Variants in PCDH19 observed in about 807,000 individuals in gnomAD.
PCDH19 encodes the protein protocadherin 19.
PCDH19 carries 6 observed loss-of-function variants against 46.2 expected under a neutral mutation model. The observed-to-expected ratio is 0.13, with a 90% CI of 0.07 to 0.26. The LOEUF is 0.26. Among genes scored for constraint, PCDH19 ranks in the 10% least tolerant of loss-of-function variants. The pLI, the probability that PCDH19 is intolerant of heterozygous loss-of-function variation, is 1.00. For missense variants in PCDH19, 740 were observed against 972.3 expected, an observed-to-expected ratio of 0.76 and a Z score of 3.18; for synonymous variants, 481 against 415.7, an observed-to-expected ratio of 1.16 and a Z score of -1.91.
intron 3 of PCDH19, among the ~76,000 whole-genome samples, chrX:100,388,095 A>G (rs766266987): frequency 9.0e-6 from 1 of 111,227 alleles, no homozygotes; most frequent in Non-Finnish European, 1.9e-5. Context: ...ATACCATTTA[A>G]AAAGTAAAAA....
At chrX:100,404,908 G>C (rs770018296) in intron 1 of PCDH19, among the ~76,000 whole-genome samples, 1 of 111,919 alleles carries the variant, frequency 8.9e-6, no homozygotes, top group Non-Finnish European at 1.9e-5. Context: ...AGGTTTGAAA[G>C]CTAAGAGCAA....
Position 100,403,136 on chromosome X carries a change from G to A in PCDH19, c.2289-285C>T, listed in dbSNP as rs190569116. On this transcript the variant is annotated intron_variant, in intron 2 of 5. Coordinates refer to ENST00000373034, the MANE Select transcript of PCDH19 (RefSeq NM_001184880.2). ...TTGTGAGTGGCCTGTGAGCACGGGTGGGGGGACAGGGAAAGTTGAGCCTAT... is the reference window on the plus strand; with the variant it reads ...TTGTGAGTGGCCTGTGAGCACGGGTAGGGGGACAGGGAAAGTTGAGCCTAT... 1.2e-4 allele frequency among the ~76,000 whole-genome samples: 13 copies of A among 111,652 alleles called. No homozygotes were observed. In the East Asian group the frequency reaches 3.4e-3, roughly 29 times the overall value.
chrX:100,319,773 G>T (rs779454473), intron 5 of PCDH19, among the ~76,000 whole-genome samples: 2 of 112,186 alleles, frequency 1.8e-5, no homozygotes, highest in African/African-American at 6.5e-5. Context: ...AAAATCAAAG[G>T]AAAGAGCTAA....
intron 5 of PCDH19, among the ~76,000 whole-genome samples, chrX:100,327,687 T>A (rs1188486459): frequency 8.9e-6 from 1 of 112,189 alleles, no homozygotes; most frequent in African/African-American, 3.2e-5. Flanking sequence ...TATTTTTATC[T>A]TATTTCATTC....
At chrX:100,392,318 A>G (rs750903462) in intron 3 of PCDH19, among the ~76,000 whole-genome samples, 9 of 112,548 alleles carry the variant, frequency 8.0e-5, no homozygotes, top group Non-Finnish European at 1.7e-4. Context: ...AAGGCAAAAT[A>G]GAATGACCTA....
intron 3 of PCDH19, among the ~76,000 whole-genome samples, chrX:100,361,287 A>G (rs1216235452): frequency 8.9e-6 from 1 of 112,373 alleles, no homozygotes; most frequent in Non-Finnish European, 1.9e-5. Context: ...CTGAAACACA[A>G]TAGTCATTTT....
chrX:100,339,941 G>C (rs924723037), intron 5 of PCDH19, among the ~76,000 whole-genome samples: 1 of 112,008 alleles, frequency 8.9e-6, no homozygotes, highest in African/African-American at 3.2e-5. Flanking sequence ...GTGTGTGTGT[G>C]TAAAATCATC....
Position 100,410,245 on chromosome X carries a change from T to C in PCDH19, c.-1648A>G, listed in dbSNP as rs1928561837. Reference sequence around the variant, plus strand: ...CGCCAGCCGCCGCCGCTACTGCTGCTGCTGCTCCTCCGGATGCCGCAAACT... The same window carrying C: ...CGCCAGCCGCCGCCGCTACTGCTGCCGCTGCTCCTCCGGATGCCGCAAACT... On this transcript the variant is annotated 5_prime_UTR_variant, in exon 1 of 6. Transcript: ENST00000373034. 6.7e-6 allele frequency: 2 copies of C among 298,933 alleles called. No individual in the cohort carries two copies. The highest frequency in any genetic ancestry group is 1.9e-4 in the South Asian group (1 of 5,143). The allele number at this position is 298,933 out of a possible 1,213,427, so 24.6% of individuals were successfully genotyped here.
chrX:100,323,147 T>C (rs1285235756), intron 5 of PCDH19, among the ~76,000 whole-genome samples: 1 of 109,701 alleles, frequency 9.1e-6, no homozygotes, highest in African/African-American at 3.3e-5. Flanking sequence ...GAGTAAAAAG[T>C]AAAACACACA....
At chrX:100,402,935 T>C (rs1383461067) in intron 2 of PCDH19, 84 bp from the exon 3 acceptor site, 2 of 712,805 alleles carry the variant, frequency 2.8e-6, no homozygotes, top group African/African-American at 4.2e-5. Context: ...CCCCAGAGGG[T>C]TGCACCCCAT....
chrX:100,340,442 C>T (rs768757282), intron 5 of PCDH19, among the ~76,000 whole-genome samples: 1 of 112,405 alleles, frequency 8.9e-6, no homozygotes, highest in South Asian at 3.6e-4. Flanking sequence ...AATGAAAAAG[C>T]ATTTCTTTGA....
intron 3 of PCDH19, among the ~76,000 whole-genome samples, chrX:100,379,385 C>CT (rs1927484999): frequency 9.1e-6 from 1 of 109,374 alleles, no homozygotes; most frequent in African/African-American, 3.3e-5. Flanking sequence ...ACTTCTTTCC[C>CT]TTTATCTAGA....
At chrX:100,314,066 A>C (rs1364761780) in intron 5 of PCDH19, among the ~76,000 whole-genome samples, 1 of 111,756 alleles carries the variant, frequency 8.9e-6, no homozygotes, top group Non-Finnish European at 1.9e-5. Flanking sequence ...TATTTTTAAC[A>C]CCCTGTTGTG....
chrX:100,351,360 G>A (rs760917800), intron 3 of PCDH19, among the ~76,000 whole-genome samples: 11 of 112,839 alleles, frequency 9.7e-5, no homozygotes, highest in Non-Finnish European at 2.1e-4. Flanking sequence ...TATCATTAGA[G>A]CACCCCTGTT....
chrX:100,394,796 G>T (rs1261881501), intron 3 of PCDH19, among the ~76,000 whole-genome samples: 1 of 111,520 alleles, frequency 9.0e-6, no homozygotes, highest in Non-Finnish European at 1.9e-5. Context: ...AACCAGTGAG[G>T]ATTCAAGGGC....
chrX:100,401,084 A>G (rs368485662), intron 3 of PCDH19, among the ~76,000 whole-genome samples: 5 of 111,617 alleles, frequency 4.5e-5, no homozygotes, highest in African/African-American at 1.3e-4. Context: ...AAACGAAACA[A>G]TGTTTGGGAA....
chrX:100,400,418 T>G (rs1470695815), intron 3 of PCDH19, among the ~76,000 whole-genome samples: 3 of 111,890 alleles, frequency 2.7e-5, no homozygotes, highest in Non-Finnish European at 5.6e-5. Flanking sequence ...GTGTGCCCAT[T>G]TTGTAGATAA....
intron 5 of PCDH19, among the ~76,000 whole-genome samples, chrX:100,321,489 G>A (rs1411630453): frequency 8.9e-6 from 1 of 111,927 alleles, no homozygotes; most frequent in African/African-American, 3.2e-5. Context: ...GTACCGCATT[G>A]TGGTTTTCAT....
chrX:100,403,482 T>C (rs749961779), intron 2 of PCDH19, 42 bp downstream of exon 2: 5 of 1,109,598 alleles, frequency 4.5e-6, no homozygotes, highest in Non-Finnish European at 6.1e-6. Flanking sequence ...TAGAAAAATC[T>C]AATAGCCAAA....
Sources: allele counts gnomAD v4.1 joint callset (sites outside exome capture counted in the v4.1 genomes callset), GRCh38; gene constraint gnomAD v4.1.1; transcripts MANE v1.5; gene names NCBI Gene and HGNC (gene_info 2026-07-23, HGNC 2026-07-21).